Variants in GALNT17 observed in about 807,000 individuals in gnomAD.
GALNT17 encodes the protein polypeptide N-acetylgalactosaminyltransferase 17.
Under a neutral mutation model 63.7 loss-of-function variants are expected in GALNT17, and 29 were observed. That is an observed-to-expected ratio of 0.46 (90% CI 0.34 to 0.62). The LOEUF (loss-of-function observed/expected upper bound fraction) is 0.62. Among genes scored for constraint, GALNT17 ranks in the 20% least tolerant of loss-of-function variants. GALNT17 has a pLI of 0.01. For synonymous variants in GALNT17, 305 were observed against 318.3 expected, an observed-to-expected ratio of 0.96 and a Z score of 0.45; for missense variants, 603 against 799.6, an observed-to-expected ratio of 0.75 and a Z score of 2.97.
intron 5 of GALNT17, among the ~76,000 whole-genome samples, chr7:71,461,447 G>T (rs139752396): frequency 6.6e-6 from 1 of 152,072 alleles, no homozygotes; most frequent in East Asian, 1.9e-4. Context: ...GACTTCTATG[G>T]GAAGTATTCT....
chr7:71,410,146 T>C (rs1260001605), intron 3 of GALNT17, among the ~76,000 whole-genome samples: 1 of 152,184 alleles, frequency 6.6e-6, no homozygotes, highest in Non-Finnish European at 1.5e-5. Flanking sequence ...TCTAGGACAA[T>C]AGGCACTAAG....
At chr7:71,376,648 T>C (rs1792734431) in intron 2 of GALNT17, among the ~76,000 whole-genome samples, 1 of 151,606 alleles carries the variant, frequency 6.6e-6, no homozygotes, top group African/African-American at 2.4e-5. Context: ...ATGGTAGAAT[T>C]GAGGGTAAAA....
intron 1 of GALNT17, among the ~76,000 whole-genome samples, chr7:71,150,581 G>A (rs1788111838): frequency 1.3e-5 from 2 of 150,884 alleles, no homozygotes. Flanking sequence ...TGCGACCTCG[G>A]CTCACTGCAA....
chr7:71,386,872 T>G (rs904979812), intron 2 of GALNT17, among the ~76,000 whole-genome samples: 1 of 152,058 alleles, frequency 6.6e-6, no homozygotes, highest in African/African-American at 2.4e-5. Context: ...TTATTTCCTC[T>G]CCTGGAATGT....
chr7:71,170,958 G>A (rs1585855342), intron 1 of GALNT17, among the ~76,000 whole-genome samples: 1 of 151,986 alleles, frequency 6.6e-6, no homozygotes, highest in East Asian at 1.9e-4. Flanking sequence ...GTAGGTCAGA[G>A]GCAGAATTTC....
At chr7:71,182,491 CCTAGT>C (rs1788753189) in intron 1 of GALNT17, among the ~76,000 whole-genome samples, 1 of 152,126 alleles carries the variant, frequency 6.6e-6, no homozygotes. Context: ...GTATTTTTCT[CCTAGT>C]CTTGTCTACT....
At chr7:71,644,527 C>CAA (rs58497593) in intron 6 of GALNT17, among the ~76,000 whole-genome samples, 423 of 23,418 alleles carry the variant, frequency 0.018, 9 homozygotes, top group South Asian at 0.059. Context: ...GACTCCATCT[C>CAA]AAAAAAAAAA....
chr7:71,217,275 C>T (rs1462280094), intron 1 of GALNT17, among the ~76,000 whole-genome samples: 1 of 150,306 alleles, frequency 6.7e-6, no homozygotes, highest in East Asian at 2.0e-4. Context: ...GTGCCCGGTG[C>T]TTTTTTTTCT....
intron 6 of GALNT17, among the ~76,000 whole-genome samples, chr7:71,608,135 C>T (rs1790073461): frequency 2.0e-5 from 3 of 152,286 alleles, no homozygotes; most frequent in South Asian, 2.1e-4. Flanking sequence ...ATAATGATCA[C>T]TAATACCTCT....
Position 71,552,010 on chromosome 7 carries a change from TTTTATTTATTTATTTATTTA to T in GALNT17, c.963-19243_963-19224del, listed in dbSNP as rs202005508. 2.4e-3 allele frequency among the ~76,000 whole-genome samples: 303 copies of T among 128,316 alleles called. 1 individual carries two copies. The highest frequency in any genetic ancestry group is 7.9e-3 in the South Asian group (32 of 4,072). The allele number at this position is 128,316 out of a possible 152,430, so 84.2% of individuals were successfully genotyped here. A position where few individuals can be genotyped will look rare whatever the true frequency, so the allele number is the denominator to read the frequency against. ...GCCAGGTTGACTTTCAGGTTGCTCT[TTTTATTTATTTATTTATTTA>T]TTTATTTATTTATTTATTTATTTAT... On this transcript the variant is annotated intron_variant, in intron 5 of 10. Transcript: ENST00000333538.
intron 1 of GALNT17, among the ~76,000 whole-genome samples, chr7:71,236,470 C>T (rs1463251795): frequency 1.3e-5 from 2 of 152,172 alleles, no homozygotes; most frequent in Non-Finnish European, 2.9e-5. Context: ...GCGTTTTTCT[C>T]CAGGGCTCTG....
At chr7:71,631,948 C>G (rs549224574) in intron 6 of GALNT17, among the ~76,000 whole-genome samples, 8 of 151,410 alleles carry the variant, frequency 5.3e-5, no homozygotes, top group African/African-American at 1.9e-4. Context: ...GGGTCTTGCT[C>G]TGTTGCCCAG....
chr7:71,579,185 AT>A, intron 6 of GALNT17, among the ~76,000 whole-genome samples: 1 of 152,336 alleles, frequency 6.6e-6, no homozygotes, highest in East Asian at 1.9e-4. Flanking sequence ...TTTATCTGTG[AT>A]ACAGATCAAA....
At chr7:71,277,424 C>T (rs1790702220) in intron 1 of GALNT17, among the ~76,000 whole-genome samples, 1 of 152,116 alleles carries the variant, frequency 6.6e-6, no homozygotes, top group Non-Finnish European at 1.5e-5. Context: ...TGATGAGAAA[C>T]CTAAACCTCA....
intron 5 of GALNT17, among the ~76,000 whole-genome samples, chr7:71,526,481 T>G (rs898795615): frequency 1.3e-5 from 2 of 152,170 alleles, no homozygotes; most frequent in Non-Finnish European, 2.9e-5. Context: ...CTGACATGGT[T>G]ACATGGAATT....
At chr7:71,492,013 G>A (rs1209690283) in intron 5 of GALNT17, among the ~76,000 whole-genome samples, 1 of 152,114 alleles carries the variant, frequency 6.6e-6, no homozygotes, top group East Asian at 1.9e-4. Context: ...TGGGCACAGT[G>A]GTTCACACCT....
intron 1 of GALNT17, among the ~76,000 whole-genome samples, chr7:71,166,295 C>A (rs1402337582): frequency 6.6e-6 from 1 of 152,120 alleles, no homozygotes; most frequent in Non-Finnish European, 1.5e-5. Flanking sequence ...CAGAAATCCA[C>A]CTCTCTTTAT....
At chr7:71,701,870 CATATATAT>C (rs1468019275) in intron 9 of GALNT17, among the ~76,000 whole-genome samples, 1 of 46,734 alleles carries the variant, frequency 2.1e-5, no homozygotes, top group Non-Finnish European at 5.8e-5. Flanking sequence ...TATATATATA[CATATATAT>C]ATGTATATAT....
intron 5 of GALNT17, among the ~76,000 whole-genome samples, chr7:71,534,472 G>A (rs558054486): frequency 6.6e-5 from 10 of 151,946 alleles, no homozygotes; most frequent in East Asian, 3.9e-4. Context: ...GGTGGCGGGC[G>A]CCTGTAGTCC....
Sources: gnomAD v4.1 joint callset for allele counts (sites outside exome capture counted in the v4.1 genomes callset) on GRCh38, gnomAD v4.1.1 for gene constraint, MANE v1.5 for transcripts, NCBI Gene and HGNC (gene_info 2026-07-23, HGNC 2026-07-21) for gene names.